The following CLIP4 variants were observed in gnomAD, a reference collection of about 807,000 sequenced individuals.
The protein encoded by CLIP4 is CAP-Gly domain-containing linker protein 4.
A neutral mutation model predicts 73.1 loss-of-function variants in CLIP4; 47 were observed. The ratio of observed to expected loss-of-function variants is 0.64; its 90% confidence interval spans 0.51 to 0.82. CLIP4 has a LOEUF of 0.82. Ranked by LOEUF, CLIP4 falls within the 40% of genes least tolerant of loss-of-function variation. CLIP4 has a pLI of 0.00. For synonymous variants in CLIP4, 306 were observed against 295.4 expected (o/e 1.04, Z -0.37); for missense variants, 874 against 852.9 (o/e 1.02, Z -0.31).
intron 2 of CLIP4, chr2:29,129,901 C>T (rs568224384): frequency 4.6e-6 from 2 of 435,698 alleles, no homozygotes; most frequent in South Asian, 3.3e-5. Flanking sequence ...AGATTCTGAT[C>T]CACAGTGTTT....
intron 14 of CLIP4, among the ~76,000 whole-genome samples, chr2:29,171,720 A>G (rs946028336): frequency 6.6e-6 from 1 of 151,778 alleles, no homozygotes; most frequent in African/African-American, 2.4e-5. Context: ...GGTTTTCACT[A>G]TGTTAGCCAG....
At chr2:29,126,737 T>C (rs1664630889) in intron 2 of CLIP4, among the ~76,000 whole-genome samples, 1 of 152,222 alleles carries the variant, frequency 6.6e-6, no homozygotes, top group South Asian at 2.1e-4. Flanking sequence ...ATTCTCTAAG[T>C]GGCCCCCACA....
At chr2:29,124,981 C>G (rs969844937) in intron 2 of CLIP4, among the ~76,000 whole-genome samples, 1 of 152,132 alleles carries the variant, frequency 6.6e-6, no homozygotes, top group Non-Finnish European at 1.5e-5. Flanking sequence ...TGAATTTTAC[C>G]TTGTTAGATG....
At chr2:29,103,098 A>AT (rs1399693183) in intron 1 of CLIP4, among the ~76,000 whole-genome samples, 1 of 151,974 alleles carries the variant, frequency 6.6e-6, no homozygotes, top group East Asian at 1.9e-4. Context: ...TGGGCCTGGC[A>AT]TTTTTTCCTC....
At chr2:29,131,202 C>A in intron 2 of CLIP4, 56 bp from the exon 3 acceptor site, 1 of 1,344,064 alleles carries the variant, frequency 7.4e-7, no homozygotes, top group Non-Finnish European at 1.0e-6. Flanking sequence ...TTATTATTTT[C>A]AATATATTTA....
At chr2:29,176,836 A>T (rs775302942) in intron 15 of CLIP4, among the ~76,000 whole-genome samples, 15 of 152,156 alleles carry the variant, frequency 9.9e-5, no homozygotes, top group Non-Finnish European at 1.6e-4. Flanking sequence ...GCTCATTGGC[A>T]TGGTTTGGTC....
At position 29,160,352 on chromosome 2, in the gene CLIP4, A is replaced by G. The variant is rs35642516; in HGVS notation, c.1419A>G (p.Thr473=). The change falls in exon 12 of 16, where the codon ACA becomes ACG. Residue 473 remains threonine, a synonymous_variant. Transcript: ENST00000320081. ...RASAGLNSSA[T]STANNSRCEG... ...AAACAGGTTTGAATTCCTCAGCAACATCTACAGCAAATAATAGCCGTTGCG... is the reference window on the plus strand; with the variant it reads ...AAACAGGTTTGAATTCCTCAGCAACGTCTACAGCAAATAATAGCCGTTGCG... 1,054 of 1,614,072 alleles carry G rather than the reference A, an allele frequency of 6.5e-4. 3 individuals are homozygous for G. The Middle Eastern group carries it at 0.013, about 19-fold the overall frequency.
intron 2 of CLIP4, among the ~76,000 whole-genome samples, chr2:29,128,266 A>G (rs908593253): frequency 6.6e-6 from 1 of 151,598 alleles, no homozygotes; most frequent in African/African-American, 2.4e-5. Context: ...GTCTAAGGTC[A>G]GAAAAGACTT....
intron 15 of CLIP4, chr2:29,174,681 G>C (rs1668221312): frequency 1.7e-6 from 2 of 1,169,482 alleles, no homozygotes; most frequent in Non-Finnish European, 2.1e-6. Context: ...CTTCATAGAG[G>C]TCAGAACTGT....
chr2:29,149,159 T>G (rs901486899), intron 8 of CLIP4, among the ~76,000 whole-genome samples: 3 of 152,164 alleles, frequency 2.0e-5, no homozygotes, highest in Non-Finnish European at 2.9e-5. Context: ...TGTAAGCAGA[T>G]GGACGTGGCT....
At chr2:29,122,909 C>T (rs957701131) in intron 2 of CLIP4, among the ~76,000 whole-genome samples, 3 of 151,870 alleles carry the variant, frequency 2.0e-5, no homozygotes, top group African/African-American at 7.3e-5. Context: ...TCCCCACTCA[C>T]CTCCCTGTGT....
Position 29,121,476 on chromosome 2 carries a change from C to T in CLIP4, c.88C>T (p.Pro30Ser), listed in dbSNP as rs1367703123. Residue 30 changes from proline to serine, a missense_variant, in exon 2 of 16, where the codon CCA becomes TCA. Physicochemically the swap from Pro to Ser is moderately conservative, Grantham distance 74. Transcript: ENST00000320081. The stretch of plus-strand genomic sequence containing the variant: ...ATTTATATTTTCTGCTTCTGATACC[C>T]CAGTTATCTTTTCCATTTCTGCAGC... ...YPFIFSASDT[P>S]VIFSISAAPM... 1.9e-6 allele frequency: 3 copies of T among 1,613,724 alleles called. No individual in the cohort carries two copies. The South Asian group carries it at 3.3e-5, about 18-fold the overall frequency.
At chr2:29,121,316 T>G in intron 1 of CLIP4, 58 bp from the exon 2 acceptor site, 1 of 1,460,508 alleles carries the variant, frequency 6.8e-7, no homozygotes, top group South Asian at 1.3e-5. Context: ...TTGAAGGCAG[T>G]CATTCTAAGT....
intron 8 of CLIP4, among the ~76,000 whole-genome samples, chr2:29,149,010 A>G (rs1167520048): frequency 3.9e-5 from 6 of 152,160 alleles, no homozygotes; most frequent in Non-Finnish European, 8.8e-5. Context: ...GAGATACTCT[A>G]TTGTCTCAGG....
At chr2:29,135,513 C>T (rs1391816004) in intron 5 of CLIP4, 35 bp from the exon 6 acceptor site, 2 of 1,471,370 alleles carry the variant, frequency 1.4e-6, no homozygotes, top group Admixed American at 3.8e-5. Context: ...TAAGTTTAAA[C>T]TTTTAGTTAA....
chr2:29,121,170 G>A (rs1212177659), intron 1 of CLIP4, among the ~76,000 whole-genome samples: 2 of 152,048 alleles, frequency 1.3e-5, no homozygotes, highest in Admixed American at 6.5e-5. Context: ...ATGTGCTACC[G>A]ACTGGTATAA....
At position 29,163,854 on chromosome 2, in the gene CLIP4, G is replaced by A. The variant is rs1053330152; in HGVS notation, c.1558G>A (p.Glu520Lys). The A allele has an allele frequency of 4.3e-6, 7 of 1,613,612 alleles. No individual in the cohort carries two copies. Among genetic ancestry groups the A allele is most frequent in the Non-Finnish European group, 5.9e-6 (7 of 1,179,638 alleles). The change falls in exon 13 of 16, where the codon GAA becomes AAA. Residue 520 changes from glutamate to lysine, a missense_variant. By Grantham distance (56) the Glu-to-Lys change is moderately conservative. Transcript: ENST00000320081. The part of the protein sequence containing the change: ...APGYWYGIEL[E>K]KPHGKNDGSV... ...AGGATATTGGTATGGTATAGAGCTT[G>A]AAAAACCCCATGGCAAGAATGATGG...
intron 11 of CLIP4, 92 bp downstream of exon 11, chr2:29,157,439 A>C: frequency 6.3e-7 from 1 of 1,597,542 alleles, no homozygotes; most frequent in Non-Finnish European, 8.6e-7. Context: ...TGTAGAAGGA[A>C]CCCTTTACTT....
At chr2:29,132,294 C>T in intron 4 of CLIP4, 49 bp downstream of exon 4, 2 of 1,407,394 alleles carry the variant, frequency 1.4e-6, no homozygotes, top group Non-Finnish European at 2.0e-6. Context: ...TGCACTTGTG[C>T]TTAGATAATC....
Sources: allele counts gnomAD v4.1 joint callset (sites outside exome capture counted in the v4.1 genomes callset), GRCh38; gene constraint gnomAD v4.1.1; transcripts MANE v1.5; gene names NCBI Gene and HGNC (gene_info 2026-07-23, HGNC 2026-07-21).